Variants in IL1RAP observed in about 807,000 individuals in gnomAD.
The protein encoded by IL1RAP is interleukin-1 receptor accessory protein.
IL1RAP carries 35 observed loss-of-function variants against 60.7 expected under a neutral mutation model. The observed-to-expected ratio is 0.58, with a 90% confidence interval of 0.44 to 0.76. The LOEUF (loss-of-function observed/expected upper bound fraction) is 0.76. Among genes scored for constraint, IL1RAP ranks in the 30% least tolerant of loss-of-function variants. The pLI is 0.00. For synonymous variants in IL1RAP, 268 were observed against 250.9 expected (o/e 1.07, Z -0.64); for missense variants, 572 against 693.9 (o/e 0.82, Z 1.97).
At chr3:190,582,671 T>G (rs981776114) in intron 3 of IL1RAP, among the ~76,000 whole-genome samples, 1 of 152,208 alleles carries the variant, frequency 6.6e-6, no homozygotes, top group African/African-American at 2.4e-5. Flanking sequence ...CCTTCACTTT[T>G]ACTCTCTACA....
rs1246431021 is a variant in IL1RAP at position 190,629,421 on chromosome 3, A to C, written c.974A>C (p.Asp325Ala). The change falls in exon 9 of 12, where the codon GAT becomes GCT. Residue 325 changes from aspartate to alanine, a missense_variant. Coordinates refer to ENST00000447382, the MANE Select transcript of IL1RAP (RefSeq NM_002182.4). Reference sequence around the variant, plus strand: ...AGCATCAAGAAAGTTACCTCTGAGGATCTCAAGCGCAGCTATGTCTGTCAT... The same window carrying C: ...AGCATCAAGAAAGTTACCTCTGAGGCTCTCAAGCGCAGCTATGTCTGTCAT... ...ILSIKKVTSE[D>A]LKRSYVCHAR... 6.2e-7 allele frequency: 1 copy of C among 1,613,958 alleles called. No homozygotes were observed. Among genetic ancestry groups the C allele is most frequent in the South Asian group, 1.1e-5 (1 of 91,050 alleles).
intron 9 of IL1RAP, 108 bp downstream of exon 9, chr3:190,629,606 G>A (rs1195093672): frequency 3.5e-6 from 5 of 1,441,788 alleles, no homozygotes; most frequent in Admixed American, 3.0e-5. Flanking sequence ...CTAGCCCGAC[G>A]GCATCTAACC....
At chr3:190,628,609 G>C (rs1732515935) in intron 8 of IL1RAP, among the ~76,000 whole-genome samples, 1 of 152,174 alleles carries the variant, frequency 6.6e-6, no homozygotes, top group African/African-American at 2.4e-5. Flanking sequence ...CTTGATCTCT[G>C]ATTCACTGAG....
At chr3:190,558,195 A>T (rs1357984214) in intron 2 of IL1RAP, among the ~76,000 whole-genome samples, 1 of 152,208 alleles carries the variant, frequency 6.6e-6, no homozygotes, top group Non-Finnish European at 1.5e-5. Context: ...TTGTAGAATG[A>T]CAATTGAATT....
intron 3 of IL1RAP, among the ~76,000 whole-genome samples, chr3:190,591,054 A>G (rs1004247759): frequency 6.6e-6 from 1 of 152,200 alleles, no homozygotes; most frequent in Non-Finnish European, 1.5e-5. Context: ...TTGTCGTCCA[A>G]CACTCTCAGA....
At chr3:190,553,198 A>G (rs1012142002) in intron 1 of IL1RAP, among the ~76,000 whole-genome samples, 3 of 152,186 alleles carry the variant, frequency 2.0e-5, no homozygotes, top group African/African-American at 7.2e-5. Flanking sequence ...GGAGGCCCGC[A>G]AGGAAGTATT....
intron 1 of IL1RAP, among the ~76,000 whole-genome samples, chr3:190,521,343 G>C (rs193195152): frequency 3.3e-5 from 5 of 151,862 alleles, no homozygotes; most frequent in African/African-American, 1.2e-4. Flanking sequence ...GGCAGGTGTT[G>C]CTAATGTTTT....
intron 9 of IL1RAP, among the ~76,000 whole-genome samples, chr3:190,638,185 T>TTAAAC (rs1201620619): frequency 3.9e-5 from 6 of 152,158 alleles, no homozygotes; most frequent in Non-Finnish European, 8.8e-5. Context: ...TGACTTAGTT[T>TTAAAC]TATCAGAAAC....
At chr3:190,645,889 CA>C in intron 11 of IL1RAP, 47 bp downstream of exon 11, 4 of 1,535,408 alleles carry the variant, frequency 2.6e-6, no homozygotes, top group Non-Finnish European at 3.6e-6. Context: ...GAAAGGCAGA[CA>C]GAATCATTAG....
chr3:190,538,605 C>T (rs116251770), intron 1 of IL1RAP, among the ~76,000 whole-genome samples: 1,666 of 152,228 alleles, frequency 0.011, 31 homozygotes, highest in African/African-American at 0.036. Context: ...TGATTCTTGT[C>T]GGCACGATGT....
intron 3 of IL1RAP, among the ~76,000 whole-genome samples, chr3:190,565,461 G>C (rs1414332325): frequency 6.6e-6 from 1 of 152,106 alleles, no homozygotes; most frequent in Non-Finnish European, 1.5e-5. Flanking sequence ...CTACCATCCT[G>C]ATCATCTTTT....
intron 4 of IL1RAP, among the ~76,000 whole-genome samples, chr3:190,605,815 C>T (rs1260291943): frequency 6.6e-6 from 1 of 152,110 alleles, no homozygotes; most frequent in African/African-American, 2.4e-5. Flanking sequence ...CATTTGAGCT[C>T]AGTTATGTCT....
intron 3 of IL1RAP, among the ~76,000 whole-genome samples, chr3:190,582,317 C>CTTTTTTT (rs371785536): frequency 7.1e-6 from 1 of 140,534 alleles, no homozygotes; most frequent in African/African-American, 2.6e-5. Flanking sequence ...CTTTTCTTTT[C>CTTTTTTT]TTTTTTTTTT....
chr3:190,568,630 G>A (rs73886483), intron 3 of IL1RAP, among the ~76,000 whole-genome samples: 6,644 of 152,162 alleles, frequency 0.044, 478 homozygotes, highest in African/African-American at 0.15. Flanking sequence ...GACAGTAAAG[G>A]GGTCATTTCA....
chr3:190,627,444 C>T lies in IL1RAP; in HGVS notation c.897C>T (p.Asn299=), dbSNP rs771232945. ...PDDITIDVTI[N]ESISHSRTED... The stretch of plus-strand genomic sequence containing the variant: ...ACATCACTATTGATGTCACCATTAA[C>T]GAAAGGTATCATGGGGGCCAGCAAG... Residue 299 remains asparagine (N), a synonymous_variant, in exon 8 of 12, where the codon AAC becomes AAT. Coordinates refer to ENST00000447382, the MANE Select transcript of IL1RAP (RefSeq NM_002182.4). The T allele has an allele frequency of 2.4e-5, 39 of 1,610,170 alleles. No homozygotes were observed. The highest frequency in any genetic ancestry group is 4.0e-5 in the African/African-American group (3 of 74,584).
At chr3:190,545,213 T>C (rs1453314781) in intron 1 of IL1RAP, among the ~76,000 whole-genome samples, 1 of 152,226 alleles carries the variant, frequency 6.6e-6, no homozygotes, top group Non-Finnish European at 1.5e-5. Context: ...ATTTCAGCTG[T>C]AGAATGCCGA....
intron 1 of IL1RAP, among the ~76,000 whole-genome samples, chr3:190,525,264 G>T (rs897483462): frequency 6.6e-6 from 1 of 152,212 alleles, no homozygotes; most frequent in Admixed American, 6.5e-5. Context: ...AAGAGGGACA[G>T]TTTTTAAGTA....
chr3:190,625,623 G>A (rs1259935730), intron 7 of IL1RAP, among the ~76,000 whole-genome samples: 1 of 152,160 alleles, frequency 6.6e-6, no homozygotes, highest in African/African-American at 2.4e-5. Context: ...TGTATGTTAT[G>A]TATGTTGACA....
intron 6 of IL1RAP, among the ~76,000 whole-genome samples, chr3:190,620,713 G>C (rs777596067): frequency 2.0e-5 from 3 of 152,078 alleles, no homozygotes; most frequent in Admixed American, 1.3e-4. Context: ...TTCAAATTCT[G>C]TCACTGCCAC....
Sources: gnomAD v4.1 joint callset for allele counts (sites outside exome capture counted in the v4.1 genomes callset) on GRCh38, gnomAD v4.1.1 for gene constraint, MANE v1.5 for transcripts, NCBI Gene and HGNC (gene_info 2026-07-23, HGNC 2026-07-21) for gene names.